Variants in DCDC1 observed in about 807,000 individuals in gnomAD.
DCDC1 encodes the protein doublecortin domain containing 1, also known as doublecortin domain-containing protein 1.
Under a neutral mutation model 178.3 loss-of-function variants are expected in DCDC1, and 200 were observed. That is an observed-to-expected ratio of 1.12 (90% confidence interval 1.00 to 1.26). DCDC1 has a LOEUF of 1.26. Among genes scored for constraint, DCDC1 ranks in the 50% most tolerant of loss-of-function variants. The pLI, the probability that DCDC1 is intolerant of heterozygous loss-of-function variation, is 0.00. For missense variants in DCDC1, 1,983 were observed against 1,749.2 expected (o/e 1.13, Z -2.38); for synonymous variants, 690 against 604.8 (o/e 1.14, Z -2.07).
chr11:31,161,543 C>G (rs146160042), intron 9 of DCDC1, among the ~76,000 whole-genome samples: 1 of 152,188 alleles, frequency 6.6e-6, no homozygotes, highest in East Asian at 1.9e-4. Context: ...CGGTATTGAT[C>G]AGAAAAGGTG....
At chr11:30,975,545 T>C (rs542383744) in intron 20 of DCDC1, among the ~76,000 whole-genome samples, 18 of 152,058 alleles carry the variant, frequency 1.2e-4, no homozygotes, top group Middle Eastern at 3.4e-3. Flanking sequence ...TAACATACAA[T>C]AATTGGTAGT....
intron 38 of DCDC1, among the ~76,000 whole-genome samples, chr11:30,867,978 G>A (rs932547476): frequency 6.6e-6 from 1 of 152,054 alleles, no homozygotes; most frequent in African/African-American, 2.4e-5. Context: ...ATGAGTCCCA[G>A]CCCAATATTC....
chr11:31,159,498 C>T (rs1402611367), intron 9 of DCDC1, among the ~76,000 whole-genome samples: 4 of 152,078 alleles, frequency 2.6e-5, no homozygotes, highest in African/African-American at 9.7e-5. Context: ...TCAAAGAAAT[C>T]CCATCTCCAT....
intron 3 of DCDC1, among the ~76,000 whole-genome samples, chr11:31,327,811 T>A (rs982624287): frequency 6.6e-6 from 1 of 152,034 alleles, no homozygotes; most frequent in Non-Finnish European, 1.5e-5. Flanking sequence ...CACTGCAACC[T>A]CCACCTCCTA....
chr11:31,244,816 TTCATC>T (rs1191657104), intron 8 of DCDC1, among the ~76,000 whole-genome samples: 1 of 151,770 alleles, frequency 6.6e-6, no homozygotes, highest in East Asian at 1.9e-4. Context: ...TTCCTTTTGT[TTCATC>T]TCAAGTTATG....
intron 21 of DCDC1, chr11:30,943,957 T>C (rs1252527390): frequency 1.2e-5 from 3 of 240,392 alleles, no homozygotes; most frequent in African/African-American, 6.8e-5. Context: ...ACTTCCTTAG[T>C]CATCATTCTA....
intron 20 of DCDC1, among the ~76,000 whole-genome samples, chr11:31,046,839 C>T (rs973795003): frequency 2.6e-5 from 4 of 152,036 alleles, no homozygotes; most frequent in Admixed American, 6.6e-5. Flanking sequence ...CAGAACTGGA[C>T]GGCAGTTTTC....
chr11:31,041,208 A>G (rs1954427306), intron 20 of DCDC1, among the ~76,000 whole-genome samples: 1 of 152,200 alleles, frequency 6.6e-6, no homozygotes, highest in African/African-American at 2.4e-5. Context: ...TAACTTTTAA[A>G]TGCTTGTATT....
intron 9 of DCDC1, among the ~76,000 whole-genome samples, chr11:31,179,709 T>C (rs1236343142): frequency 6.6e-6 from 1 of 152,090 alleles, no homozygotes; most frequent in Non-Finnish European, 1.5e-5. Context: ...CATCAAATAT[T>C]TAAAGAACTA....
intron 7 of DCDC1, among the ~76,000 whole-genome samples, chr11:31,274,433 T>A (rs2137204817): frequency 6.6e-6 from 1 of 152,246 alleles, no homozygotes; most frequent in South Asian, 2.1e-4. Context: ...ATCATATCAT[T>A]ACATGTGGAG....
intron 9 of DCDC1, among the ~76,000 whole-genome samples, chr11:31,178,266 T>C (rs956962964): frequency 1.3e-5 from 2 of 152,206 alleles, no homozygotes; most frequent in East Asian, 1.9e-4. Flanking sequence ...TTTTCGACTA[T>C]GTTGCCAAGA....
intron 15 of DCDC1, 139 bp from the exon 16 acceptor site, chr11:31,094,323 C>G: frequency 1.6e-6 from 1 of 613,226 alleles, no homozygotes; most frequent in East Asian, 2.7e-5. Context: ...CATTCAATCC[C>G]CTTTAATTCA....
chr11:31,197,289 T>C (rs907223415), intron 9 of DCDC1, among the ~76,000 whole-genome samples: 4 of 152,146 alleles, frequency 2.6e-5, no homozygotes, highest in African/African-American at 9.6e-5. Context: ...ATTGAGTCTC[T>C]TAAAGCAAAC....
intron 36 of DCDC1, among the ~76,000 whole-genome samples, chr11:30,884,262 TTCAA>T (rs1477427668): frequency 1.3e-5 from 2 of 151,952 alleles, no homozygotes; most frequent in Non-Finnish European, 2.9e-5. Flanking sequence ...AACTCCTGGG[TTCAA>T]TCAGTCCCCC....
intron 1 of DCDC1, among the ~76,000 whole-genome samples, chr11:31,339,806 C>A (rs933845473): frequency 6.6e-6 from 1 of 152,160 alleles, no homozygotes; most frequent in Non-Finnish European, 1.5e-5. Context: ...AATGTTAATT[C>A]TTTCTATCTA....
chr11:30,870,667 G>A (rs1941462160), intron 38 of DCDC1, among the ~76,000 whole-genome samples: 1 of 152,146 alleles, frequency 6.6e-6, no homozygotes, highest in African/African-American at 2.4e-5. Flanking sequence ...CACTTCTTTA[G>A]ACAGACTTGA....
At chr11:31,353,880 C>T (rs1591837928) in intron 1 of DCDC1, among the ~76,000 whole-genome samples, 1 of 152,080 alleles carries the variant, frequency 6.6e-6, no homozygotes, top group Non-Finnish European at 1.5e-5. Flanking sequence ...ATGTCTATGA[C>T]TGAGGGTTAT....
intron 9 of DCDC1, among the ~76,000 whole-genome samples, chr11:31,151,940 T>C (rs1206587158): frequency 1.3e-5 from 2 of 152,174 alleles, no homozygotes; most frequent in African/African-American, 2.4e-5. Context: ...TGTATATATT[T>C]TAAAATTTTA....
chr11:31,338,177 C>A (rs1440182151), intron 1 of DCDC1, among the ~76,000 whole-genome samples: 1 of 152,134 alleles, frequency 6.6e-6, no homozygotes, highest in Non-Finnish European at 1.5e-5. Context: ...TTTACAATTC[C>A]TACCTAGCCT....
Sources: gnomAD v4.1 joint callset for allele counts (sites outside exome capture counted in the v4.1 genomes callset) on GRCh38, gnomAD v4.1.1 for gene constraint, MANE v1.5 for transcripts, NCBI Gene and HGNC (gene_info 2026-07-23, HGNC 2026-07-21) for gene names.